Variants in LTBP1 observed in about 807,000 individuals in gnomAD.
LTBP1 encodes latent-transforming growth factor beta-binding protein 1.
A neutral mutation model predicts 207.6 loss-of-function variants in LTBP1; 129 were observed. The observed-to-expected ratio is 0.62, with a 90% confidence interval of 0.54 to 0.72. LTBP1 has a LOEUF of 0.72. LTBP1 is among the 30% of genes least tolerant of loss of function. The probability of loss-of-function intolerance (pLI) is 0.00; values close to 1 mark genes in which losing one functional copy is unlikely to be tolerated. For synonymous variants in LTBP1, 963 were observed against 833.7 expected, an observed-to-expected ratio of 1.16 and a Z score of -2.67; for missense variants, 2,281 against 2,217.2, an observed-to-expected ratio of 1.03 and a Z score of -0.58.
At chr2:33,246,211 G>A (rs2092503486) in intron 10 of LTBP1, among the ~76,000 whole-genome samples, 1 of 152,198 alleles carries the variant, frequency 6.6e-6, no homozygotes. Flanking sequence ...AGTGTTGAGT[G>A]AGAAGATTTA....
chr2:33,293,129 T>C (rs779939500), intron 19 of LTBP1, 31 bp from the exon 20 acceptor site: 2 of 1,598,230 alleles, frequency 1.3e-6, no homozygotes, highest in East Asian at 2.2e-5. Flanking sequence ...TCTTCTTTTT[T>C]TGTTCTTTCC....
intron 5 of LTBP1, among the ~76,000 whole-genome samples, chr2:33,137,192 G>T (rs2082212181): frequency 6.6e-6 from 1 of 152,090 alleles, no homozygotes; most frequent in African/African-American, 2.4e-5. Flanking sequence ...GACTTTACTG[G>T]TTTAGTGTAA....
chr2:33,084,111 C>G (rs1356814995), intron 3 of LTBP1, among the ~76,000 whole-genome samples: 1 of 152,136 alleles, frequency 6.6e-6, no homozygotes, highest in Middle Eastern at 3.2e-3. Context: ...CTCTAAGGCT[C>G]TCTTTGTGAC....
At chr2:33,122,161 C>T (rs1025451284) in intron 4 of LTBP1, among the ~76,000 whole-genome samples, 2 of 150,218 alleles carry the variant, frequency 1.3e-5, no homozygotes, top group Non-Finnish European at 2.9e-5. Context: ...TCTATGGGTT[C>T]GGAGCGGGAG....
At chr2:32,994,115 T>C (rs908603439) in intron 2 of LTBP1, among the ~76,000 whole-genome samples, 7 of 151,930 alleles carry the variant, frequency 4.6e-5, no homozygotes, top group Non-Finnish European at 7.4e-5. Context: ...CAGATCTTTC[T>C]AAGAAGTGTC....
intron 5 of LTBP1, among the ~76,000 whole-genome samples, chr2:33,173,991 T>C (rs1017678082): frequency 6.0e-5 from 8 of 134,392 alleles, no homozygotes; most frequent in African/African-American, 1.5e-4. Flanking sequence ...AATTAGGTAT[T>C]GATGGGACGT....
At chr2:33,167,039 C>T (rs2084982445) in intron 5 of LTBP1, among the ~76,000 whole-genome samples, 1 of 152,172 alleles carries the variant, frequency 6.6e-6, no homozygotes, top group Admixed American at 6.5e-5. Context: ...GTTGACCCTA[C>T]ACATGACACC....
intron 4 of LTBP1, among the ~76,000 whole-genome samples, chr2:33,113,706 C>CT (rs2080549056): frequency 1.3e-5 from 2 of 152,080 alleles, no homozygotes; most frequent in Admixed American, 6.6e-5. Flanking sequence ...AAGGATATCT[C>CT]TTTTTTTTCC....
chr2:33,127,123 A>T (rs1177120334), intron 4 of LTBP1, among the ~76,000 whole-genome samples: 1 of 152,210 alleles, frequency 6.6e-6, no homozygotes, highest in Non-Finnish European at 1.5e-5. Context: ...GGAATCCCTT[A>T]GAGGCACATC....
In LTBP1 at chr2:33,116,514, A is replaced by G. The variant is rs760418025; in HGVS notation, c.1033+5763A>G. Among the ~76,000 whole-genome samples the G allele has an allele frequency of 3.7e-4, 57 of 152,112 alleles. 1 individual carries two copies. The highest frequency in any genetic ancestry group is 1.3e-4 in the Admixed American group (2 of 15,272). On this transcript the variant is annotated intron_variant, in intron 4 of 33. Coordinates refer to ENST00000404816, the MANE Select transcript of LTBP1 (RefSeq NM_206943.4). ...TCCTGATGTGCTAACGTGGGGGAGA[A>G]AGAGAGAGAGAAATGACTGGCATTT... is the stretch of plus-strand genomic sequence containing the variant.
At position 33,097,567 on chromosome 2, in the gene LTBP1, A is replaced by C. The variant is rs1316831145; in HGVS notation, c.864-13015A>C. ...AAATCATAGACATTGTTAAAATTCA[A>C]CTTTATTTTGTTTTTTAGCTTTTCC... On this transcript the variant is annotated intron_variant, in intron 3 of 33. Coordinates refer to ENST00000404816, the MANE Select transcript of LTBP1 (RefSeq NM_206943.4). Among the ~76,000 whole-genome samples, 3 of 152,192 alleles carry C rather than the reference A, an allele frequency of 2.0e-5. 1 individual carries two copies. Among genetic ancestry groups the C allele is most frequent in the African/African-American group, 7.2e-5 (3 of 41,460 alleles).
At chr2:33,294,697 G>A (rs947993750) in intron 20 of LTBP1, among the ~76,000 whole-genome samples, 2 of 150,318 alleles carry the variant, frequency 1.3e-5, no homozygotes, top group African/African-American at 4.9e-5. Flanking sequence ...TCCTGCCTCA[G>A]CCGCCTGAGT....
chr2:33,286,262 AT>A (rs1355265467), intron 19 of LTBP1, among the ~76,000 whole-genome samples: 6 of 152,318 alleles, frequency 3.9e-5, no homozygotes, highest in African/African-American at 1.4e-4. Flanking sequence ...TATTTGAAGA[AT>A]TTAGTATCAT....
chr2:33,103,803 C>T (rs2079898108), intron 3 of LTBP1, among the ~76,000 whole-genome samples: 1 of 152,124 alleles, frequency 6.6e-6, no homozygotes, highest in Non-Finnish European at 1.5e-5. Flanking sequence ...TTCACCCATC[C>T]TTCTCAACAA....
At chr2:33,167,993 C>A (rs760869187) in intron 5 of LTBP1, among the ~76,000 whole-genome samples, 3 of 152,174 alleles carry the variant, frequency 2.0e-5, no homozygotes, top group Non-Finnish European at 4.4e-5. Context: ...TATTTGAGGA[C>A]CTTTTTGCTA....
chr2:33,389,054 G>C (rs763981097), intron 31 of LTBP1, 130 bp from the exon 32 acceptor site: 127 of 1,275,740 alleles, frequency 1.0e-4, no homozygotes, highest in Non-Finnish European at 1.4e-4. Context: ...TCCAGGCTCA[G>C]TGGTACGCAG....
chr2:33,357,170 C>T (rs932445509), intron 26 of LTBP1, among the ~76,000 whole-genome samples: 4 of 152,158 alleles, frequency 2.6e-5, no homozygotes, highest in Non-Finnish European at 4.4e-5. Context: ...AAGATGGAAA[C>T]GGCCCTACAA....
At chr2:33,389,783 G>A (rs1023516125) in intron 32 of LTBP1, among the ~76,000 whole-genome samples, 33 of 152,120 alleles carry the variant, frequency 2.2e-4, no homozygotes, top group African/African-American at 7.7e-4. Context: ...GGGATTGCAG[G>A]CACGCACCAC....
At chr2:33,339,226 T>A (rs1444969470) in intron 24 of LTBP1, among the ~76,000 whole-genome samples, 2 of 151,734 alleles carry the variant, frequency 1.3e-5, no homozygotes, top group Non-Finnish European at 2.9e-5. Flanking sequence ...AGAAATGGAG[T>A]TGAGATGAGG....
Sources: gnomAD v4.1 joint callset for allele counts (sites outside exome capture counted in the v4.1 genomes callset) on GRCh38, gnomAD v4.1.1 for gene constraint, MANE v1.5 for transcripts, NCBI Gene and HGNC (gene_info 2026-07-23, HGNC 2026-07-21) for gene names.